SEMA5A: variants seen among roughly 807,000 people sequenced by gnomAD.
SEMA5A encodes semaphorin 5A.
SEMA5A carries 55 observed loss-of-function variants against 135.5 expected under a neutral mutation model. That is an observed-to-expected ratio of 0.41 (90% confidence interval 0.33 to 0.51). SEMA5A has a LOEUF of 0.51. Among genes scored for constraint, SEMA5A ranks in the 20% least tolerant of loss-of-function variants. SEMA5A has a pLI of 0.37. For synonymous variants in SEMA5A, 580 were observed against 546.5 expected (o/e 1.06, Z -0.85); for missense variants, 1,290 against 1,419.9 (o/e 0.91, Z 1.47).
intron 3 of SEMA5A, among the ~76,000 whole-genome samples, chr5:9,360,759 T>C (rs1299334608): frequency 6.6e-6 from 1 of 152,226 alleles, no homozygotes; most frequent in African/African-American, 2.4e-5. Context: ...ACATTATTCA[T>C]GCAAGAAAAC....
chr5:9,272,914 C>T (rs140439944), intron 5 of SEMA5A, among the ~76,000 whole-genome samples: 4 of 152,082 alleles, frequency 2.6e-5, no homozygotes, highest in Non-Finnish European at 4.4e-5. Flanking sequence ...GAAACCAGTG[C>T]AAAAATACTA....
At position 9,044,532 on chromosome 5, in the gene SEMA5A, G is replaced by C. The variant is rs1273304109; in HGVS notation, c.2946C>G (p.Gly982=). The C allele has an allele frequency of 6.2e-7, 1 of 1,613,936 alleles. No individual in the cohort carries two copies. The highest frequency in any genetic ancestry group is 1.3e-5 in the African/African-American group (1 of 74,912). ...IAVGLSSSIL[G]CLLTLLVYTY... is the part of the protein sequence containing the mutation. The stretch of plus-strand genomic sequence containing the variant: ...TATAGACGAGCAGGGTGAGGAGGCA[G>C]CCGAGGATGGAGCTGCTCAGCCCCA... The change falls in exon 22 of 23, where the codon GGC becomes GGG. Residue 982 remains glycine, a synonymous_variant. Coordinates refer to ENST00000382496, the MANE Select transcript of SEMA5A (RefSeq NM_003966.3).
intron 12 of SEMA5A, among the ~76,000 whole-genome samples, chr5:9,138,536 T>G (rs1247191033): frequency 6.6e-6 from 1 of 152,252 alleles, no homozygotes; most frequent in Non-Finnish European, 1.5e-5. Context: ...AACAGCTGTA[T>G]AGTGCTCCAT....
intron 3 of SEMA5A, among the ~76,000 whole-genome samples, chr5:9,344,679 C>G (rs987688978): frequency 3.7e-4 from 56 of 152,322 alleles, no homozygotes; most frequent in African/African-American, 1.3e-3. Context: ...CTTTCCAAGA[C>G]AAGTCCTATT....
intron 16 of SEMA5A, among the ~76,000 whole-genome samples, chr5:9,082,554 C>T (rs1186310235): frequency 1.3e-5 from 2 of 152,194 alleles, no homozygotes; most frequent in African/African-American, 4.8e-5. Context: ...CCAAGGTCTG[C>T]CCAGGGGTTC....
intron 5 of SEMA5A, among the ~76,000 whole-genome samples, chr5:9,281,998 A>C (rs1371047070): frequency 6.6e-6 from 1 of 151,954 alleles, no homozygotes; most frequent in Non-Finnish European, 1.5e-5. Flanking sequence ...TTTTTAGTAG[A>C]GACAGGGTTT....
chr5:9,491,096 T>A (rs1440786895), intron 1 of SEMA5A, among the ~76,000 whole-genome samples: 1 of 152,060 alleles, frequency 6.6e-6, no homozygotes, highest in Non-Finnish European at 1.5e-5. Context: ...CTCAGATGTC[T>A]ATAGAATGTG....
chr5:9,327,667 C>A (rs1752940379), intron 4 of SEMA5A, among the ~76,000 whole-genome samples: 1 of 152,100 alleles, frequency 6.6e-6, no homozygotes, highest in Admixed American at 6.5e-5. Context: ...GATATAAAAT[C>A]AGGAAAATAT....
At chr5:9,090,607 T>C (rs1484821962) in intron 16 of SEMA5A, among the ~76,000 whole-genome samples, 6 of 152,218 alleles carry the variant, frequency 3.9e-5, no homozygotes, top group Admixed American at 2.0e-4. Flanking sequence ...TCTCCACTAA[T>C]CTGAATGCTG....
chr5:9,213,586 C>T, intron 8 of SEMA5A, among the ~76,000 whole-genome samples: 1 of 152,130 alleles, frequency 6.6e-6, no homozygotes, highest in Non-Finnish European at 1.5e-5. Context: ...GAACAGCGCC[C>T]AGCAAACTCT....
intron 2 of SEMA5A, among the ~76,000 whole-genome samples, chr5:9,430,876 T>C (rs750940624): frequency 2.7e-5 from 4 of 150,800 alleles, no homozygotes; most frequent in Admixed American, 6.6e-5. Flanking sequence ...AGGAGATAAA[T>C]GTATTATAAC....
At chr5:9,392,821 A>T (rs1459955114) in intron 2 of SEMA5A, among the ~76,000 whole-genome samples, 1 of 152,228 alleles carries the variant, frequency 6.6e-6, no homozygotes, top group African/African-American at 2.4e-5. Context: ...GGATAAACTC[A>T]CTATGAAGGC....
At chr5:9,475,179 G>A (rs185190013) in intron 1 of SEMA5A, among the ~76,000 whole-genome samples, 6 of 152,278 alleles carry the variant, frequency 3.9e-5, no homozygotes, top group East Asian at 3.9e-4. Flanking sequence ...TGATCTGCCC[G>A]CCTTGGCCTC....
intron 1 of SEMA5A, among the ~76,000 whole-genome samples, chr5:9,477,072 A>G (rs1373536618): frequency 1.3e-5 from 2 of 152,124 alleles, no homozygotes; most frequent in Non-Finnish European, 2.9e-5. Flanking sequence ...TGCTGTTCTC[A>G]TGATATAATG....
intron 5 of SEMA5A, among the ~76,000 whole-genome samples, chr5:9,301,677 T>C (rs1315277433): frequency 6.6e-6 from 1 of 152,100 alleles, no homozygotes; most frequent in Non-Finnish European, 1.5e-5. Context: ...TGCAATGTCA[T>C]TAAAGGCCAC....
rs1052612850 is a variant in SEMA5A at position 9,063,019 on chromosome 5, A to G, written c.2386T>C (p.Cys796Arg). The change falls in exon 18 of 23, where the codon TGC (cysteine) becomes CGC (arginine). Residue 796 changes from cysteine to arginine, a missense_variant. Coordinates refer to ENST00000382496, the MANE Select transcript of SEMA5A (RefSeq NM_003966.3). ...AWSAWTSWSQ[C>R]SRDCSRGIRN... The stretch of plus-strand genomic sequence containing the variant: ...ATGCCCCTGCTGCAGTCACGGCTGC[A>G]CTGTGACCACGACGTCCAGGCTGAC... 6.2e-7 allele frequency: 1 copy of G among 1,614,224 alleles called. No individual in the cohort carries two copies. The highest frequency in any genetic ancestry group is 8.5e-7 in the Non-Finnish European group (1 of 1,180,034).
chr5:9,217,254 G>T (rs1296531494), intron 8 of SEMA5A, among the ~76,000 whole-genome samples: 1 of 152,086 alleles, frequency 6.6e-6, no homozygotes, highest in African/African-American at 2.4e-5. Flanking sequence ...AGTTTAGCCG[G>T]ATATGAAATT....
intron 1 of SEMA5A, among the ~76,000 whole-genome samples, chr5:9,508,253 G>A (rs1415701388): frequency 6.6e-6 from 1 of 152,112 alleles, no homozygotes; most frequent in African/African-American, 2.4e-5. Context: ...CAAGATGCCA[G>A]GGAGTGTCAT....
chr5:9,257,423 C>A (rs535224907), intron 5 of SEMA5A, among the ~76,000 whole-genome samples: 1 of 151,326 alleles, frequency 6.6e-6, no homozygotes. Context: ...AAGCTCTACA[C>A]ATCTGTATAC....
Sources: gnomAD v4.1 joint callset for allele counts (sites outside exome capture counted in the v4.1 genomes callset) on GRCh38, gnomAD v4.1.1 for gene constraint, MANE v1.5 for transcripts, NCBI Gene and HGNC (gene_info 2026-07-23, HGNC 2026-07-21) for gene names.